Variants in FGGY observed in about 807,000 individuals in gnomAD.
FGGY encodes FGGY carbohydrate kinase domain containing.
FGGY carries 72 observed loss-of-function variants against 71.3 expected under a neutral mutation model. The ratio of observed to expected loss-of-function variants is 1.01; its 90% CI spans 0.84 to 1.23. FGGY has a LOEUF of 1.23. FGGY is among the 50% of genes most tolerant of loss of function. The pLI, the probability that FGGY is intolerant of heterozygous loss-of-function variation, is 0.00. For missense variants in FGGY, 668 were observed against 682.3 expected (o/e 0.98, Z 0.23); for synonymous variants, 251 against 250.3 (o/e 1.00, Z -0.02).
intron 7 of FGGY, among the ~76,000 whole-genome samples, chr1:59,540,164 G>A (rs2095417748): frequency 6.6e-6 from 1 of 152,210 alleles, no homozygotes; most frequent in African/African-American, 2.4e-5. Context: ...AAGCATTGAT[G>A]TGGAAATATG....
chr1:59,723,476 G>C (rs74087820), intron 14 of FGGY, among the ~76,000 whole-genome samples: 3,168 of 146,634 alleles, frequency 0.022, 104 homozygotes, highest in African/African-American at 0.076. Flanking sequence ...TACCAGAATT[G>C]TTAACTCATA....
intron 7 of FGGY, among the ~76,000 whole-genome samples, chr1:59,543,829 T>C (rs965350609): frequency 1.3e-5 from 2 of 152,208 alleles, no homozygotes; most frequent in Non-Finnish European, 2.9e-5. Context: ...TCTGGGGTGC[T>C]GATTACTTTC....
chr1:59,532,805 A>G (rs946529049), intron 7 of FGGY, among the ~76,000 whole-genome samples: 2 of 152,188 alleles, frequency 1.3e-5, no homozygotes, highest in Non-Finnish European at 2.9e-5. Context: ...TGGAAAATAT[A>G]AGAATTAGAA....
rs186022632 is a variant in FGGY, at chr1:59,422,452, T to G, written c.555-34509T>G. Among the ~76,000 whole-genome samples, 17 of 152,290 alleles carry G rather than the reference T, an allele frequency of 1.1e-4. No homozygotes were observed. In the East Asian group the frequency reaches 3.3e-3, roughly 29 times the overall value. On this transcript the variant is annotated intron_variant, in intron 5 of 15. Transcript: ENST00000303721. Reference sequence around the variant, plus strand: ...TTCACGCCAGTAGTCCCAGCAACTTTGGGAGGCTGAATTGGGTGGATTGCT... The same window carrying G: ...TTCACGCCAGTAGTCCCAGCAACTTGGGGAGGCTGAATTGGGTGGATTGCT...
At chr1:59,654,717 G>C (rs1474871812) in intron 11 of FGGY, among the ~76,000 whole-genome samples, 1 of 152,168 alleles carries the variant, frequency 6.6e-6, no homozygotes, top group Non-Finnish European at 1.5e-5. Flanking sequence ...CATTAGGACT[G>C]TGGTGAAATG....
chr1:59,669,178 G>A lies in FGGY; in HGVS notation c.1417+1775G>A, dbSNP rs2097353120. ...CCATCTTACAGACAAGCAAGTTGAT[G>A]GGTGGGTAGGTGAATTAAATTGGCT... On this transcript the variant is annotated intron_variant, in intron 13 of 15. Transcript: ENST00000303721. Among the ~76,000 whole-genome samples, 3 of 152,140 alleles carry A rather than the reference G, an allele frequency of 2.0e-5. No individual in the cohort carries two copies. In the South Asian group the frequency reaches 6.2e-4, roughly 32 times the overall value.
intron 14 of FGGY, among the ~76,000 whole-genome samples, chr1:59,705,884 T>A (rs2097754455): frequency 6.6e-6 from 1 of 152,236 alleles, no homozygotes; most frequent in Non-Finnish European, 1.5e-5. Context: ...AACTATTGAC[T>A]TCCATCTCTT....
intron 4 of FGGY, among the ~76,000 whole-genome samples, chr1:59,368,574 T>A (rs2056969754): frequency 6.6e-6 from 1 of 152,200 alleles, no homozygotes; most frequent in Non-Finnish European, 1.5e-5. Flanking sequence ...GTGGAGGACT[T>A]AGAGGACGAT....
chr1:59,528,136 G>T lies in FGGY; in HGVS notation c.799+15697G>T, dbSNP rs144579172. On this transcript the variant is annotated intron_variant, in intron 7 of 15. Coordinates refer to ENST00000303721, the MANE Select transcript of FGGY (RefSeq NM_018291.5). ...GGGCAGACTAATTAGACTCAACGTT[G>T]TTTACCATCAAAAACTGTCTGTACA... 1.4e-3 allele frequency among the ~76,000 whole-genome samples: 212 copies of T among 152,274 alleles called. 1 individual carries two copies. Among genetic ancestry groups the T allele is most frequent in the African/African-American group, 4.5e-3 (187 of 41,568 alleles).
intron 8 of FGGY, among the ~76,000 whole-genome samples, chr1:59,564,979 G>A (rs893312101): frequency 1.3e-5 from 2 of 152,120 alleles, no homozygotes; most frequent in Non-Finnish European, 2.9e-5. Context: ...AGTAGAGGAC[G>A]AAAATGGTGC....
rs553378963 is a variant in FGGY at position 59,352,999 on chromosome 1, A to G, written c.465+6601A>G. On this transcript the variant is annotated intron_variant, in intron 4 of 15. Transcript: ENST00000303721. ...ATTCAACTGTGTTCATCAGGTCTTA[A>G]TAGTAGCACTAATACAAGATATTGA... Among the ~76,000 whole-genome samples, 9 of 152,290 alleles carry G rather than the reference A, an allele frequency of 5.9e-5. No homozygotes were observed. The South Asian group carries it at 1.7e-3, about 28-fold the overall frequency.
At chr1:59,321,388 T>C in intron 1 of FGGY, 148 bp from the exon 2 acceptor site, 2 of 679,982 alleles carry the variant, frequency 2.9e-6, no homozygotes, top group Non-Finnish European at 5.1e-6. Context: ...TATACTGTTA[T>C]CACTAAAAAT....
At chr1:59,434,791 C>G (rs1428778865) in intron 5 of FGGY, among the ~76,000 whole-genome samples, 1 of 152,110 alleles carries the variant, frequency 6.6e-6, no homozygotes, top group Non-Finnish European at 1.5e-5. Flanking sequence ...AAAGCCCCCC[C>G]CACCTCCAAA....
At chr1:59,326,229 G>A (rs768210742) in intron 2 of FGGY, among the ~76,000 whole-genome samples, 3 of 152,198 alleles carry the variant, frequency 2.0e-5, no homozygotes, top group African/African-American at 7.2e-5. Context: ...TAGAGGAGAC[G>A]TATACAAGAA....
chr1:59,406,805 C>T (rs1215408044), intron 5 of FGGY, among the ~76,000 whole-genome samples: 1 of 152,166 alleles, frequency 6.6e-6, no homozygotes, highest in Non-Finnish European at 1.5e-5. Flanking sequence ...CTTGTTACCT[C>T]AATCTGTGTG....
intron 2 of FGGY, among the ~76,000 whole-genome samples, chr1:59,338,522 A>AT (rs1426961363): frequency 3.9e-5 from 6 of 152,094 alleles, no homozygotes; most frequent in Non-Finnish European, 4.4e-5. Context: ...TCAAAAAAAA[A>AT]GTGCTTCTCA....
intron 5 of FGGY, among the ~76,000 whole-genome samples, chr1:59,406,603 A>G (rs2062795967): frequency 6.6e-6 from 1 of 152,186 alleles, no homozygotes; most frequent in Non-Finnish European, 1.5e-5. Flanking sequence ...AAGAATACAC[A>G]TGAAACAGGG....
chr1:59,392,357 G>A (rs1177794099), intron 5 of FGGY, among the ~76,000 whole-genome samples: 1 of 152,142 alleles, frequency 6.6e-6, no homozygotes, highest in Non-Finnish European at 1.5e-5. Context: ...CGGTTTTCAG[G>A]ACCTACATCA....
At chr1:59,578,181 G>T (rs2096118494) in intron 8 of FGGY, among the ~76,000 whole-genome samples, 1 of 152,138 alleles carries the variant, frequency 6.6e-6, no homozygotes. Context: ...AAGGGAGCCA[G>T]CTGGGGATAT....
Sources: gnomAD v4.1 joint callset for allele counts (sites outside exome capture counted in the v4.1 genomes callset) on GRCh38, gnomAD v4.1.1 for gene constraint, MANE v1.5 for transcripts, NCBI Gene and HGNC (gene_info 2026-07-23, HGNC 2026-07-21) for gene names.